RANBP2: variants seen among roughly 807,000 people sequenced by gnomAD.
The protein encoded by RANBP2 is E3 SUMO-protein ligase RanBP2.
A neutral mutation model predicts 303.6 loss-of-function variants in RANBP2; 57 were observed. The ratio of observed to expected loss-of-function variants is 0.19; its 90% CI spans 0.15 to 0.23. RANBP2 has a LOEUF of 0.23. RANBP2 is among the 10% of genes least tolerant of loss of function. The pLI, the probability that RANBP2 is intolerant of heterozygous loss-of-function variation, is 1.00. For synonymous variants in RANBP2, 1,167 were observed against 1,301.5 expected (o/e 0.90, Z 2.23); for missense variants, 3,138 against 3,780.8 (o/e 0.83, Z 4.46).
At chr2:109,778,361 CAGAT>C in the RANBP2 span, among the ~76,000 whole-genome samples, 1 of 146,666 alleles carries the variant, frequency 6.8e-6, no homozygotes, top group Non-Finnish European at 1.5e-5. Flanking sequence ...AATGGCATAA[CAGAT>C]AGAAATGATT....
chr2:109,597,120 T>C, the RANBP2 span, among the ~76,000 whole-genome samples: 1 of 151,984 alleles, frequency 6.6e-6, no homozygotes, highest in African/African-American at 2.4e-5. Flanking sequence ...GCTAATTTTT[T>C]TGTAGAGACG....
chr2:108,741,586 A>G (rs1371714945), intron 7 of RANBP2, among the ~76,000 whole-genome samples: 2 of 127,250 alleles, frequency 1.6e-5, no homozygotes, highest in Non-Finnish European at 3.2e-5. Flanking sequence ...GCTCCCTGCA[A>G]GCTCCACCTC....
chr2:109,659,991 GT>G, the RANBP2 span, among the ~76,000 whole-genome samples: 3 of 152,194 alleles, frequency 2.0e-5, no homozygotes, highest in Non-Finnish European at 4.4e-5. Context: ...TCAGGCTGGG[GT>G]CAGTCCCAGT....
the RANBP2 span, among the ~76,000 whole-genome samples, chr2:109,171,265 T>G: frequency 6.6e-6 from 1 of 152,254 alleles, no homozygotes; most frequent in Non-Finnish European, 1.5e-5. Flanking sequence ...TTGTTTTGGT[T>G]ATATATGTAG....
chr2:109,484,544 G>A, the RANBP2 span, among the ~76,000 whole-genome samples: 7 of 152,016 alleles, frequency 4.6e-5, no homozygotes, highest in Admixed American at 1.3e-4. Flanking sequence ...CTTGAGGCCC[G>A]CCCCCTCCTG....
At chr2:109,014,821 A>G in the RANBP2 span, among the ~76,000 whole-genome samples, 1 of 152,320 alleles carries the variant, frequency 6.6e-6, no homozygotes, top group East Asian at 1.9e-4. Context: ...CTCCTCATCT[A>G]CAAATAAAGA....
At chr2:109,202,676 G>T in the RANBP2 span, among the ~76,000 whole-genome samples, 1 of 152,218 alleles carries the variant, frequency 6.6e-6, no homozygotes, top group Admixed American at 6.5e-5. Context: ...CACAGCCTTG[G>T]GTGAGCACCT....
the RANBP2 span, chr2:108,812,952 T>C: frequency 1.2e-6 from 2 of 1,607,808 alleles, no homozygotes; most frequent in African/African-American, 1.3e-5. Context: ...TGATTTGATA[T>C]GATTGAAAAT....
At chr2:109,045,878 C>T in the RANBP2 span, among the ~76,000 whole-genome samples, 1 of 152,164 alleles carries the variant, frequency 6.6e-6, no homozygotes, top group Non-Finnish European at 1.5e-5. Context: ...CCAGTGGCAG[C>T]TTTAAGCATC....
chr2:109,456,781 A>G, the RANBP2 span, among the ~76,000 whole-genome samples: 1 of 152,218 alleles, frequency 6.6e-6, no homozygotes, highest in Non-Finnish European at 1.5e-5. Context: ...CACAACGAGT[A>G]GGGCACTGGG....
chr2:109,607,942 A>G, the RANBP2 span, among the ~76,000 whole-genome samples: 1 of 152,064 alleles, frequency 6.6e-6, no homozygotes, highest in Non-Finnish European at 1.5e-5. Flanking sequence ...TGCAAATGGG[A>G]AAAAAAACTG....
the RANBP2 span, among the ~76,000 whole-genome samples, chr2:109,053,179 G>T: frequency 6.6e-6 from 1 of 152,196 alleles, no homozygotes; most frequent in Non-Finnish European, 1.5e-5. Flanking sequence ...TCATCTGTCT[G>T]CACAAATCCC....
the RANBP2 span, among the ~76,000 whole-genome samples, chr2:109,734,000 G>A: frequency 4.0e-5 from 6 of 151,846 alleles, no homozygotes; most frequent in East Asian, 1.9e-4. Context: ...CCAATATGGC[G>A]AAAACCCGTC....
At chr2:108,822,792 G>C in the RANBP2 span, among the ~76,000 whole-genome samples, 1 of 152,168 alleles carries the variant, frequency 6.6e-6, no homozygotes, top group South Asian at 2.1e-4. Context: ...AGTGTTAAGA[G>C]GGAAGTTTGT....
At chr2:109,582,546 C>T in the RANBP2 span, among the ~76,000 whole-genome samples, 4 of 152,118 alleles carry the variant, frequency 2.6e-5, no homozygotes, top group Non-Finnish European at 4.4e-5. Context: ...AGTCTCAAGA[C>T]TCCTGAGCAA....
chr2:109,543,889 C>T, the RANBP2 span: 6 of 410,302 alleles, frequency 1.5e-5, no homozygotes, highest in Admixed American at 4.3e-5. Flanking sequence ...CAACGGGACC[C>T]GACTCTAATT....
chr2:109,679,088 C>T, the RANBP2 span, among the ~76,000 whole-genome samples: 1 of 152,238 alleles, frequency 6.6e-6, no homozygotes, highest in Non-Finnish European at 1.5e-5. Context: ...ACATCACAGC[C>T]TTCCTGCACT....
the RANBP2 span, among the ~76,000 whole-genome samples, chr2:109,677,846 A>T: frequency 6.6e-6 from 1 of 152,180 alleles, no homozygotes; most frequent in African/African-American, 2.4e-5. Context: ...TCTGTGTCTT[A>T]CTCTAAACCA....
the RANBP2 span, among the ~76,000 whole-genome samples, chr2:109,269,161 G>A: frequency 6.6e-6 from 1 of 152,190 alleles, no homozygotes; most frequent in Non-Finnish European, 1.5e-5. Context: ...CAGTTTCCCT[G>A]GGGGAGAGGG....
Sources: gnomAD v4.1 joint callset for allele counts (sites outside exome capture counted in the v4.1 genomes callset) on GRCh38, gnomAD v4.1.1 for gene constraint, MANE v1.5 for transcripts, NCBI Gene and HGNC (gene_info 2026-07-23, HGNC 2026-07-21) for gene names.